TEKT4: variants seen among roughly 807,000 people sequenced by gnomAD.
The protein encoded by TEKT4 is tektin 4.
Under a neutral mutation model 46.0 loss-of-function variants are expected in TEKT4, and 46 were observed. The observed-to-expected ratio is 1.00, with a 90% CI of 0.79 to 1.28. The LOEUF is 1.28. Ranked by LOEUF, TEKT4 falls within the 50% of genes most tolerant of loss-of-function variation. The pLI is 0.00. For missense variants in TEKT4, 790 were observed against 622.9 expected, an observed-to-expected ratio of 1.27 and a Z score of -2.85; for synonymous variants, 325 against 265.8, an observed-to-expected ratio of 1.22 and a Z score of -2.17.
intron 3 of TEKT4, 95 bp downstream of exon 3, chr2:94,874,203 C>G: frequency 1.4e-6 from 2 of 1,406,614 alleles, no homozygotes; most frequent in South Asian, 1.3e-5. Context: ...CAGCCTGGCC[C>G]GGAGGCCCTC....
At position 94,876,547 on chromosome 2, in the gene TEKT4, C is replaced by G. The variant is rs1553396626; in HGVS notation, c.1092-6C>G. 2 of 1,600,818 alleles carry G rather than the reference C, an allele frequency of 1.2e-6. No homozygotes were observed. Among genetic ancestry groups the G allele is most frequent in the Admixed American group, 3.4e-5 (2 of 58,726 alleles). On this transcript the variant is annotated splice_region_variant and splice_polypyrimidine_tract_variant and intron_variant, in intron 5 of 5. Coordinates refer to ENST00000295201, the MANE Select transcript of TEKT4 (RefSeq NM_144705.4). ...GCCCCGGCTCACACCCCCCCAACAC[C>G]CCCAGGCTGTTGAGTGAGGTGGAGG...
chr2:94,874,345 G>A (rs782658930), intron 3 of TEKT4, among the ~76,000 whole-genome samples: 7 of 152,216 alleles, frequency 4.6e-5, no homozygotes, highest in Admixed American at 6.5e-5. Flanking sequence ...AGACCCAGGC[G>A]CTGGCAGGAT....
intron 1 of TEKT4, 97 bp from the exon 2 acceptor site, chr2:94,873,423 G>A: frequency 1.3e-6 from 2 of 1,595,334 alleles, no homozygotes; most frequent in Non-Finnish European, 1.7e-6. Context: ...TCAACTCCTT[G>A]TGGTTGCTCA....
In TEKT4 at chr2:94,872,026, C is replaced by T; in HGVS notation, c.447C>T (p.Arg149=). The change falls in exon 1 of 6, where the codon CGC becomes CGT. Residue 149 remains arginine, a synonymous_variant. Transcript: ENST00000295201. ...CTGACAACCTGCAGTGCCGTGAGCG[C>T]CGCGAGCACCCCAACCTCGTGCGCG... ...ITTDNLQCRE[R]REHPNLVRDH... 1.9e-6 allele frequency: 3 copies of T among 1,569,916 alleles called. No individual in the cohort carries two copies. The highest frequency in any genetic ancestry group is 1.2e-5 in the South Asian group (1 of 85,892).
Sources: gnomAD v4.1 joint callset for allele counts (sites outside exome capture counted in the v4.1 genomes callset) on GRCh38, gnomAD v4.1.1 for gene constraint, MANE v1.5 for transcripts, NCBI Gene and HGNC (gene_info 2026-07-23, HGNC 2026-07-21) for gene names.